The following MYO15A variants were observed in gnomAD, a reference collection of about 807,000 sequenced individuals.
MYO15A encodes the protein unconventional myosin-XV.
MYO15A carries 308 observed loss-of-function variants against 394.6 expected under a neutral mutation model. That is an observed-to-expected ratio of 0.78 (90% CI 0.71 to 0.86). MYO15A has a LOEUF of 0.86. MYO15A is among the 40% of genes least tolerant of loss of function. The probability of loss-of-function intolerance (pLI) is 0.00; values close to 1 mark genes in which losing one functional copy is unlikely to be tolerated. For synonymous variants in MYO15A, 1,957 were observed against 2,003.8 expected, an observed-to-expected ratio of 0.98 and a Z score of 0.62; for missense variants, 4,606 against 4,799.1, an observed-to-expected ratio of 0.96 and a Z score of 1.19.
chr17:18,139,085 CT>C, intron 18 of MYO15A, 149 bp downstream of exon 18: 1 of 1,194,702 alleles, frequency 8.4e-7, no homozygotes, highest in Non-Finnish European at 1.2e-6. Flanking sequence ...GAGCAAATTG[CT>C]TAGCCAGTCT....
intron 33 of MYO15A, 24 bp from the exon 34 acceptor site, chr17:18,149,192 G>A: frequency 6.2e-7 from 1 of 1,613,604 alleles, no homozygotes; most frequent in Non-Finnish European, 8.5e-7. Context: ...GGGGTCAGTA[G>A]CTCCATGTTC....
chr17:18,146,549 G>A (rs951446215), intron 30 of MYO15A, among the ~76,000 whole-genome samples: 1 of 152,146 alleles, frequency 6.6e-6, no homozygotes, highest in Admixed American at 6.5e-5. Flanking sequence ...TCAAATGGGG[G>A]TTATTCTTTT....
rs1178651144 is a variant in MYO15A at position 18,153,028 on chromosome 17, C to T, written c.7967-747C>T. Among the ~76,000 whole-genome samples the T allele has an allele frequency of 2.0e-5, 3 of 152,262 alleles. No homozygotes were observed. Among genetic ancestry groups the T allele is most frequent in the African/African-American group, 7.2e-5 (3 of 41,468 alleles). On this transcript the variant is annotated intron_variant, in intron 42 of 65. Coordinates refer to ENST00000647165, the MANE Select transcript of MYO15A (RefSeq NM_016239.4). This position sits in a 1 kb window ranked among gnomAD's most constrained non-coding sequence, Gnocchi z 4.1. ...GAATGATCTGTGCCACCCACACCTG[C>T]CATGGGCACTAAACTCCAGGGCAGG...
rs2046753085 is a variant in MYO15A at position 18,160,034 on chromosome 17, T to G, written c.9386+17T>G. 6.2e-7 allele frequency: 1 copy of G among 1,605,248 alleles called. No individual in the cohort carries two copies. The highest frequency in any genetic ancestry group is 1.7e-4 in the Middle Eastern group (1 of 6,060). ...CTCCAAGCAGTGAGTGAACTGGACT[T>G]TACCCCACCATCCCCTCACTGTGTC... On this transcript the variant is annotated intron_variant, in intron 56 of 65. Transcript: ENST00000647165.
At chr17:18,124,634 G>C in intron 3 of MYO15A, 69 bp downstream of exon 3, 1 of 1,479,568 alleles carries the variant, frequency 6.8e-7, no homozygotes, top group Non-Finnish European at 9.3e-7. Flanking sequence ...AGCCAGAGCA[G>C]CTCCTCCTGC....
In MYO15A at chr17:18,121,252, C is replaced by T. The variant is rs1424289379; in HGVS notation, c.2452C>T (p.Arg818Cys). 1 of 1,469,892 alleles carries T rather than the reference C, an allele frequency of 6.8e-7. No individual in the cohort carries two copies. 91.1% of individuals were successfully genotyped at this position (1,469,892 alleles called of 1,614,324 possible). A position where few individuals can be genotyped will look rare whatever the true frequency, so the allele number is the denominator to read the frequency against. The change falls in exon 2 of 66, where the codon CGC becomes TGC. Residue 818 changes from arginine to cysteine, a missense_variant. This residue lies in a region of MYO15A where 1,830 missense variants were observed against 1,689.7 expected (regional missense o/e 1.08). Transcript: ENST00000647165. This position sits in a 1 kb window ranked among gnomAD's most constrained non-coding sequence, Gnocchi z 5.3. ...PPFLPPARRP[R>C]SLQESPAPRR... Reference sequence around the variant, plus strand: ...CTTCCTGCCCCCGGCCCGCCGGCCCCGCTCGCTGCAGGAGTCCCCAGCCCC... The same window carrying T: ...CTTCCTGCCCCCGGCCCGCCGGCCCTGCTCGCTGCAGGAGTCCCCAGCCCC...
At chr17:18,160,962 C>T in intron 56 of MYO15A, 1 of 402,118 alleles carries the variant, frequency 2.5e-6, no homozygotes. Flanking sequence ...CAGCCCTGGG[C>T]CTTACCTGGC....
Position 18,117,398 on chromosome 17 carries a change from C to G in MYO15A, c.-219-1184C>G, listed in dbSNP as rs887683859. ...AGCTGAGCACGTTGAGGCTCTGAAGCCACTGATCTGAGGGCGTGGAGCTGG... is the reference window on the plus strand; with the variant it reads ...AGCTGAGCACGTTGAGGCTCTGAAGGCACTGATCTGAGGGCGTGGAGCTGG... On this transcript the variant is annotated intron_variant, in intron 1 of 65. Transcript: ENST00000647165. This position sits in a 1 kb window ranked among gnomAD's most constrained non-coding sequence, Gnocchi z 4.1. Among the ~76,000 whole-genome samples, 2 of 152,250 alleles carry G rather than the reference C, an allele frequency of 1.3e-5. No individual in the cohort carries two copies. Among genetic ancestry groups the G allele is most frequent in the Non-Finnish European group, 2.9e-5 (2 of 68,044 alleles).
rs2045804109 is a variant in MYO15A at position 18,117,321 on chromosome 17, C to G, written c.-219-1261C>G. 6.6e-6 allele frequency among the ~76,000 whole-genome samples: 1 copy of G among 152,252 alleles called. No individual in the cohort carries two copies. The highest frequency in any genetic ancestry group is 2.4e-5 in the African/African-American group (1 of 41,476). ...GAGACCTCACTTGCTGCATGGTCCC[C>G]TCTCTGCTCCTGCCACTTACCTGGG... On this transcript the variant is annotated intron_variant, in intron 1 of 65. Transcript: ENST00000647165. The surrounding 1 kb of genome is among the most constrained non-coding windows in gnomAD (Gnocchi z 4.1).
At chr17:18,111,341 G>GAAAAAA (rs57095827) in intron 1 of MYO15A, among the ~76,000 whole-genome samples, 22 of 118,940 alleles carry the variant, frequency 1.8e-4, no homozygotes, top group African/African-American at 2.4e-4. Context: ...TCTCAAAAGA[G>GAAAAAA]AAAAAAAAAA....
Position 18,167,289 on chromosome 17 carries a change from C to G in MYO15A, c.9949-301C>G, listed in dbSNP as rs111822257. ...CTCAGGCACACTCAGTTTTGAGAAA[C>G]AGCAGGCCTGATAGATACATGTCCA... is the stretch of plus-strand genomic sequence containing the variant. On this transcript the variant is annotated intron_variant, in intron 61 of 65. Coordinates refer to ENST00000647165, the MANE Select transcript of MYO15A (RefSeq NM_016239.4). Among the ~76,000 whole-genome samples, 2,888 of 152,346 alleles carry G rather than the reference C, an allele frequency of 0.019. 49 individuals are homozygous for G. Among genetic ancestry groups the G allele is most frequent in the Non-Finnish European group, 0.029 (1,980 of 68,032 alleles).
chr17:18,164,810 T>C (rs1392593658), intron 60 of MYO15A: 3 of 130,544 alleles, frequency 2.3e-5, no homozygotes, highest in African/African-American at 9.3e-5. Flanking sequence ...CCAGCCTGGG[T>C]GATGGAGTGA....
At position 18,131,615 on chromosome 17, in the gene MYO15A, C is replaced by T. The variant is rs979195138; in HGVS notation, c.4206+84C>T. ...ACTCAGAGCCTGGCCCCTGGTAGGGCTAGGTAGACGTCAAATTAATGAACG... is the reference window on the plus strand; with the variant it reads ...ACTCAGAGCCTGGCCCCTGGTAGGGTTAGGTAGACGTCAAATTAATGAACG... On this transcript the variant is annotated intron_variant, in intron 10 of 65. Coordinates refer to ENST00000647165, the MANE Select transcript of MYO15A (RefSeq NM_016239.4). The T allele has an allele frequency of 6.0e-6, 9 of 1,503,774 alleles. No homozygotes were observed. In the African/African-American group the frequency reaches 1.1e-4, roughly 18 times the overall value. 93.2% of individuals were successfully genotyped at this position (1,503,774 alleles called of 1,614,324 possible).
chr17:18,156,473 T>A, intron 48 of MYO15A, 137 bp downstream of exon 48: 1 of 1,036,778 alleles, frequency 9.6e-7, no homozygotes, highest in Non-Finnish European at 1.4e-6. Context: ...TGCCTTCCAC[T>A]TGGAATACCC....
At chr17:18,170,640 G>A (rs953192241) in intron 62 of MYO15A, among the ~76,000 whole-genome samples, 2 of 151,976 alleles carry the variant, frequency 1.3e-5, no homozygotes, top group Non-Finnish European at 2.9e-5. Flanking sequence ...GATTACAGGT[G>A]TAATCTCAAC....
At chr17:18,118,139 G>A (rs1456876355) in intron 1 of MYO15A, among the ~76,000 whole-genome samples, 4 of 151,980 alleles carry the variant, frequency 2.6e-5, no homozygotes, top group Non-Finnish European at 4.4e-5. Context: ...CCGGCAGCCT[G>A]GCTCCCCACC....
Position 18,120,987 on chromosome 17 carries a change from G to C in MYO15A, c.2187G>C (p.Pro729=). The change falls in exon 2 of 66, where the codon CCG becomes CCC. Residue 729 remains proline, a synonymous_variant. Transcript: ENST00000647165. ...TCGTGGAGCCCCCTGCCGTGAGCCCGGAGGTGCCCCCCGACCTACTAGCCT... is the reference window on the plus strand; with the variant it reads ...TCGTGGAGCCCCCTGCCGTGAGCCCCGAGGTGCCCCCCGACCTACTAGCCT... ...WAFVEPPAVS[P]EVPPDLLAFP... 2.0e-6 allele frequency: 3 copies of C among 1,502,812 alleles called. No homozygotes were observed. Among genetic ancestry groups the C allele is most frequent in the Non-Finnish European group, 2.7e-6 (3 of 1,131,138 alleles). The allele number at this position is 1,502,812 out of a possible 1,614,324, so 93.1% of individuals were successfully genotyped here.
chr17:18,151,827 A>C lies in MYO15A; in HGVS notation c.7788-19A>C. On this transcript the variant is annotated intron_variant, in intron 40 of 65. Coordinates refer to ENST00000647165, the MANE Select transcript of MYO15A (RefSeq NM_016239.4). ...GGGAGACTCAGTGTCAACCCACCAC[A>C]GTACTCCAATGCCCACAGGAAGGAT... The C allele has an allele frequency of 6.4e-7, 1 of 1,563,446 alleles. No individual in the cohort carries two copies. Among genetic ancestry groups the C allele is most frequent in the Non-Finnish European group, 8.7e-7 (1 of 1,152,480 alleles).
rs765041022 is a variant in MYO15A at position 18,124,475 on chromosome 17, T to C, written c.3610-8T>C. ...AACCTGCAGACACAGCCTCTCTCTC[T>C]CACACAGATGCACTCCATCCGCAAC... On this transcript the variant is annotated splice_polypyrimidine_tract_variant and splice_region_variant and intron_variant, in intron 2 of 65. Transcript: ENST00000647165. 1 of 1,610,138 alleles carries C rather than the reference T, an allele frequency of 6.2e-7. No homozygotes were observed. The highest frequency in any genetic ancestry group is 1.3e-5 in the African/African-American group (1 of 74,896).
Sources: allele counts gnomAD v4.1 joint callset (sites outside exome capture counted in the v4.1 genomes callset), GRCh38; gene constraint gnomAD v4.1.1; regional missense constraint gnomAD v4.1.1; non-coding constraint Gnocchi (gnomAD v3.1); transcripts MANE v1.5; gene names NCBI Gene and HGNC (gene_info 2026-07-23, HGNC 2026-07-21).